Variants in NFIB observed in about 807,000 individuals in gnomAD.
NFIB encodes the protein nuclear factor 1 B-type.
NFIB carries 11 observed loss-of-function variants against 61.5 expected under a neutral mutation model. The observed-to-expected ratio is 0.18, with a 90% CI of 0.11 to 0.30. NFIB has a LOEUF of 0.30. NFIB is among the 10% of genes least tolerant of loss of function. The probability of loss-of-function intolerance (pLI) is 1.00; values close to 1 mark genes in which losing one functional copy is unlikely to be tolerated. For missense variants in NFIB, 471 were observed against 608.9 expected (o/e 0.77, Z 2.38); for synonymous variants, 260 against 216.5 (o/e 1.20, Z -1.76).
the NFIB span, among the ~76,000 whole-genome samples, chr9:14,438,835 G>A: frequency 2.6e-5 from 4 of 152,120 alleles, no homozygotes; most frequent in African/African-American, 9.7e-5. Context: ...GAGAATGAGG[G>A]CTCTGCATGT....
intron 1 of NFIB, among the ~76,000 whole-genome samples, chr9:14,379,845 G>A (rs2061464735): frequency 6.6e-6 from 1 of 152,044 alleles, no homozygotes; most frequent in Non-Finnish European, 1.5e-5. Context: ...ACCACACCCA[G>A]CTAGTTTTTG....
the NFIB span, among the ~76,000 whole-genome samples, chr9:14,492,086 G>A: frequency 6.6e-5 from 10 of 152,098 alleles, no homozygotes; most frequent in East Asian, 1.9e-4. Context: ...AAAGAGAGCC[G>A]AGCGCGGTGG....
chr9:14,134,306 A>C (rs899649736), intron 6 of NFIB, among the ~76,000 whole-genome samples: 1 of 152,156 alleles, frequency 6.6e-6, no homozygotes, highest in African/African-American at 2.4e-5. Context: ...TTAGAAATGG[A>C]CATAAGATTT....
In NFIB at chr9:14,237,762, C is replaced by CTGTGTG. The variant is rs1563932366; in HGVS notation, c.563-57983_563-57982insCACACA. 1.6e-3 allele frequency among the ~76,000 whole-genome samples: 168 copies of CTGTGTG among 105,884 alleles called. 7 individuals carry two copies. Among genetic ancestry groups the CTGTGTG allele is most frequent in the African/African-American group, 6.1e-3 (148 of 24,382 alleles). The allele number at this position is 105,884 out of a possible 152,430, so 69.5% of individuals were successfully genotyped here. On this transcript the variant is annotated intron_variant, in intron 2 of 10. Transcript: ENST00000380953. ...AAGCTCCTCACCCTGCTAGGTATAA[C>CTGTGTG]AGTGTGTGTGTGTGTGTGTGTGTGT...
the NFIB span, among the ~76,000 whole-genome samples, chr9:14,525,923 A>C: frequency 6.6e-6 from 1 of 152,138 alleles, no homozygotes; most frequent in East Asian, 1.9e-4. Context: ...AATTTGTATT[A>C]GCCCCCTTGG....
the NFIB span, among the ~76,000 whole-genome samples, chr9:14,499,934 G>T: frequency 6.6e-6 from 1 of 152,126 alleles, no homozygotes; most frequent in African/African-American, 2.4e-5. Context: ...TCGATAATTT[G>T]GTTAATGAGT....
At chr9:14,357,618 T>TA (rs2061191600) in intron 1 of NFIB, 1 of 152,160 alleles carries the variant, frequency 6.6e-6, no homozygotes, top group Admixed American at 6.5e-5. Flanking sequence ...ATGTGGAAAA[T>TA]AAGAACACTT....
At chr9:14,130,822 G>T (rs2040316366) in intron 6 of NFIB, among the ~76,000 whole-genome samples, 2 of 152,140 alleles carry the variant, frequency 1.3e-5, no homozygotes, top group African/African-American at 2.4e-5. Flanking sequence ...AATAACCATA[G>T]CCAGTATATC....
At chr9:14,485,811 G>T in the NFIB span, among the ~76,000 whole-genome samples, 1 of 152,014 alleles carries the variant, frequency 6.6e-6, no homozygotes, top group Non-Finnish European at 1.5e-5. Context: ...GGAAGCAGAG[G>T]TTGCAGTGAG....
chr9:14,171,063 T>C (rs573904999), intron 3 of NFIB, among the ~76,000 whole-genome samples: 1 of 152,324 alleles, frequency 6.6e-6, no homozygotes, highest in African/African-American at 2.4e-5. Flanking sequence ...TCTGACAGCA[T>C]TGTGAAAGGA....
chr9:14,488,237 C>G, the NFIB span, among the ~76,000 whole-genome samples: 1 of 151,962 alleles, frequency 6.6e-6, no homozygotes, highest in Admixed American at 6.6e-5. Flanking sequence ...GTGGCCCAAG[C>G]CTGTAGTCCC....
At chr9:14,406,334 G>T in the NFIB span, among the ~76,000 whole-genome samples, 13 of 152,106 alleles carry the variant, frequency 8.5e-5, no homozygotes, top group African/African-American at 3.1e-4. Context: ...CAATTATTTT[G>T]TTCTTGTCCC....
the NFIB span, among the ~76,000 whole-genome samples, chr9:14,497,872 A>G: frequency 1.3e-5 from 2 of 152,208 alleles, no homozygotes; most frequent in East Asian, 1.9e-4. Flanking sequence ...TCTACTGCCA[A>G]CTGCTAACGG....
At chr9:14,504,016 A>T in the NFIB span, among the ~76,000 whole-genome samples, 1 of 152,182 alleles carries the variant, frequency 6.6e-6, no homozygotes, top group Non-Finnish European at 1.5e-5. Context: ...AGAGATGTCC[A>T]GTTTCATTCT....
intron 1 of NFIB, among the ~76,000 whole-genome samples, chr9:14,343,082 C>G (rs956019518): frequency 6.6e-6 from 1 of 152,048 alleles, no homozygotes; most frequent in Non-Finnish European, 1.5e-5. Flanking sequence ...CGAGGGGATG[C>G]CACCATTTTG....
chr9:14,459,710 T>G, the NFIB span, among the ~76,000 whole-genome samples: 3 of 152,026 alleles, frequency 2.0e-5, no homozygotes, highest in Admixed American at 6.5e-5. Context: ...GGGCGAAGGA[T>G]ATGAATGGAC....
At chr9:14,094,681 A>G (rs867705681) in intron 10 of NFIB, among the ~76,000 whole-genome samples, 18 of 152,080 alleles carry the variant, frequency 1.2e-4, no homozygotes, top group Admixed American at 3.9e-4. Context: ...GGGAAACACC[A>G]AATATCATAA....
At chr9:14,176,799 C>G (rs954040165) in intron 3 of NFIB, among the ~76,000 whole-genome samples, 1 of 151,958 alleles carries the variant, frequency 6.6e-6, no homozygotes, top group Non-Finnish European at 1.5e-5. Flanking sequence ...AAAAGCCAAG[C>G]CAGAGGAGGT....
the NFIB span, among the ~76,000 whole-genome samples, chr9:14,407,186 G>A: frequency 0.67 from 101,585 of 152,074 alleles, 34,180 homozygotes; most frequent in Admixed American, 0.72. Context: ...GTAAAAGTTA[G>A]GTTAAATAAT....
Sources: allele counts gnomAD v4.1 joint callset (sites outside exome capture counted in the v4.1 genomes callset), GRCh38; gene constraint gnomAD v4.1.1; transcripts MANE v1.5; gene names NCBI Gene and HGNC (gene_info 2026-07-23, HGNC 2026-07-21).